Variants in NEBL observed in about 807,000 individuals in gnomAD.
NEBL encodes nebulette, also known as LIM and SH3 protein 2.
A neutral mutation model predicts 140.2 loss-of-function variants in NEBL; 122 were observed. The ratio of observed to expected loss-of-function variants is 0.87; its 90% CI spans 0.75 to 1.01. The LOEUF is 1.01. Ranked by LOEUF, NEBL falls within the 50% of genes least tolerant of loss-of-function variation. The pLI, the probability that NEBL is intolerant of heterozygous loss-of-function variation, is 0.00. For synonymous variants in NEBL, 436 were observed against 398.9 expected, an observed-to-expected ratio of 1.09 and a Z score of -1.11; for missense variants, 1,365 against 1,231.3, an observed-to-expected ratio of 1.11 and a Z score of -1.62.
At chr10:21,203,668 T>C (rs1841778887) in intron 3 of NEBL, among the ~76,000 whole-genome samples, 1 of 152,224 alleles carries the variant, frequency 6.6e-6, no homozygotes, top group South Asian at 2.1e-4. Flanking sequence ...GCAACCTGTT[T>C]CTGTAATGGG....
At chr10:21,190,598 G>A (rs1841556063) in intron 3 of NEBL, among the ~76,000 whole-genome samples, 2 of 152,162 alleles carry the variant, frequency 1.3e-5, no homozygotes, top group African/African-American at 4.8e-5. Context: ...TCTACTTGTT[G>A]ATTATTAGAA....
intron 3 of NEBL, among the ~76,000 whole-genome samples, chr10:20,978,496 T>C (rs1232768570): frequency 6.6e-6 from 1 of 151,668 alleles, no homozygotes; most frequent in African/African-American, 2.4e-5. Flanking sequence ...GTGGCTCACA[T>C]CTGTAATTTC....
At chr10:20,786,010 A>G in intron 27 of NEBL, 87 bp from the exon 28 acceptor site, 1 of 1,255,142 alleles carries the variant, frequency 8.0e-7, no homozygotes, top group Non-Finnish European at 1.2e-6. Flanking sequence ...CCACACATAA[A>G]GTAACTATTA....
intron 4 of NEBL, among the ~76,000 whole-genome samples, chr10:20,932,976 AT>A (rs1834270339): frequency 6.6e-6 from 1 of 152,224 alleles, no homozygotes; most frequent in Non-Finnish European, 1.5e-5. Flanking sequence ...CAGAAAACCC[AT>A]TTATGAAATA....
At chr10:20,904,192 G>A (rs1284261599) in intron 4 of NEBL, among the ~76,000 whole-genome samples, 63 of 152,168 alleles carry the variant, frequency 4.1e-4, no homozygotes, top group Admixed American at 4.1e-3. Flanking sequence ...GAAAACCATA[G>A]ATAAGGGAGC....
chr10:21,146,246 A>T, intron 2 of NEBL: 1 of 969,026 alleles, frequency 1.0e-6, no homozygotes, highest in Non-Finnish European at 1.6e-6. Flanking sequence ...CACCCCTCTT[A>T]CAGCTGCACG....
chr10:21,121,681 T>TA (rs1838581449), intron 2 of NEBL, among the ~76,000 whole-genome samples: 1 of 152,200 alleles, frequency 6.6e-6, no homozygotes, highest in African/African-American at 2.4e-5. Context: ...ACAACTTCAG[T>TA]ATCTGAAATA....
chr10:21,141,095 A>C (rs1564525187), intron 2 of NEBL, among the ~76,000 whole-genome samples: 1 of 152,034 alleles, frequency 6.6e-6, no homozygotes, highest in Non-Finnish European at 1.5e-5. Flanking sequence ...GCTCTTCAAA[A>C]ATCTCACTAT....
chr10:21,142,495 A>C (rs1839677007), intron 2 of NEBL, among the ~76,000 whole-genome samples: 1 of 152,204 alleles, frequency 6.6e-6, no homozygotes, highest in South Asian at 2.1e-4. Flanking sequence ...CCTGTGAAAC[A>C]AACTAAACAA....
At chr10:21,041,107 T>C (rs1000545472) in intron 2 of NEBL, among the ~76,000 whole-genome samples, 1 of 152,222 alleles carries the variant, frequency 6.6e-6, no homozygotes, top group Non-Finnish European at 1.5e-5. Flanking sequence ...ATTTGTTACA[T>C]GGGTAGACTG....
At chr10:20,835,482 T>A in intron 14 of NEBL, 31 bp downstream of exon 14, 1 of 1,476,582 alleles carries the variant, frequency 6.8e-7, no homozygotes, top group Non-Finnish European at 9.4e-7. Context: ...AAAATATGAG[T>A]CTTAAGGCCT....
At chr10:20,812,745 G>T (rs751616410) in intron 24 of NEBL, 24 bp downstream of exon 24, 4 of 1,613,218 alleles carry the variant, frequency 2.5e-6, no homozygotes, top group Non-Finnish European at 3.4e-6. Context: ...CACACACACC[G>T]GCCGACAAAC....
intron 4 of NEBL, among the ~76,000 whole-genome samples, chr10:20,945,018 T>C (rs1260335886): frequency 6.6e-6 from 1 of 152,172 alleles, no homozygotes; most frequent in Non-Finnish European, 1.5e-5. Context: ...CCCTGAAATG[T>C]AGGGTTATTT....
chr10:20,806,977 T>G (rs1365681612), intron 26 of NEBL, among the ~76,000 whole-genome samples: 1 of 152,176 alleles, frequency 6.6e-6, no homozygotes, highest in Non-Finnish European at 1.5e-5. Context: ...TTATTCTGCA[T>G]CTACAGAACC....
chr10:20,884,104 A>T (rs1001113214), intron 4 of NEBL, among the ~76,000 whole-genome samples: 1 of 152,218 alleles, frequency 6.6e-6, no homozygotes, highest in African/African-American at 2.4e-5. Flanking sequence ...CACTTGCAAT[A>T]GTCATATACA....
At chr10:21,065,939 A>G (rs1470606462) in intron 2 of NEBL, among the ~76,000 whole-genome samples, 3 of 152,350 alleles carry the variant, frequency 2.0e-5, no homozygotes, top group African/African-American at 7.2e-5. Flanking sequence ...TCTTACCACC[A>G]GCAGCTGCAC....
intron 3 of NEBL, among the ~76,000 whole-genome samples, chr10:21,236,044 C>T (rs1842343024): frequency 1.3e-5 from 2 of 152,160 alleles, no homozygotes; most frequent in Non-Finnish European, 1.5e-5. Context: ...TCATAACCCC[C>T]GTAGTCTTTA....
intron 16 of NEBL, among the ~76,000 whole-genome samples, chr10:20,830,912 TAAAAA>T (rs371760760): frequency 4.3e-5 from 4 of 92,368 alleles, no homozygotes; most frequent in African/African-American, 1.7e-4. Flanking sequence ...CTCTAAAATT[TAAAAA>T]AAAAAAAAAA....
intron 3 of NEBL, among the ~76,000 whole-genome samples, chr10:20,982,949 G>A (rs1375293142): frequency 2.0e-5 from 3 of 152,094 alleles, no homozygotes; most frequent in African/African-American, 4.8e-5. Context: ...ACATTCACTA[G>A]AATGTTTTAT....
Sources: gnomAD v4.1 joint callset for allele counts (sites outside exome capture counted in the v4.1 genomes callset) on GRCh38, gnomAD v4.1.1 for gene constraint, MANE v1.5 for transcripts, NCBI Gene and HGNC (gene_info 2026-07-23, HGNC 2026-07-21) for gene names.